HECW2: variants seen among roughly 807,000 people sequenced by gnomAD.
HECW2 encodes the protein HECT, C2 and WW domain containing E3 ubiquitin protein ligase 2.
A neutral mutation model predicts 175.2 loss-of-function variants in HECW2; 61 were observed. The ratio of observed to expected loss-of-function variants is 0.35; its 90% CI spans 0.28 to 0.43. The LOEUF is 0.43. HECW2 is among the 20% of genes least tolerant of loss of function. The pLI is 1.00. For missense variants in HECW2, 1,524 were observed against 2,000.5 expected (o/e 0.76, Z 4.54); for synonymous variants, 671 against 731.0 (o/e 0.92, Z 1.32).
At chr2:196,546,895 G>A (rs1185683546) in intron 1 of HECW2, among the ~76,000 whole-genome samples, 1 of 151,900 alleles carries the variant, frequency 6.6e-6, no homozygotes, top group Non-Finnish European at 1.5e-5. Context: ...CAAAAGCTAT[G>A]AGGACACTAG....
chr2:196,350,808 T>G (rs184092971), intron 2 of HECW2, among the ~76,000 whole-genome samples: 1 of 150,548 alleles, frequency 6.6e-6, no homozygotes, highest in Admixed American at 6.6e-5. Flanking sequence ...CCATGTTTTG[T>G]TAAAAGAGGA....
chr2:196,350,905 A>G (rs1324929032), intron 2 of HECW2, among the ~76,000 whole-genome samples: 1 of 152,236 alleles, frequency 6.6e-6, no homozygotes, highest in Non-Finnish European at 1.5e-5. Flanking sequence ...TCTTTGGAAG[A>G]GTTTACGGAG....
In HECW2 at chr2:196,505,872, C is replaced by T. The variant is rs367936967; in HGVS notation, c.-35-72414G>A. 8.5e-5 allele frequency among the ~76,000 whole-genome samples: 13 copies of T among 152,282 alleles called. No individual in the cohort carries two copies. The East Asian group carries it at 2.5e-3, about 29-fold the overall frequency. On this transcript the variant is annotated intron_variant, in intron 1 of 28. Transcript: ENST00000644978. ...CTATCAATGTCAAAACAGATGAAGTCCCCCCAACTGTGGAGTTTTCCTTTG... is the reference window on the plus strand; with the variant it reads ...CTATCAATGTCAAAACAGATGAAGTTCCCCCAACTGTGGAGTTTTCCTTTG...
chr2:196,278,947 A>G (rs1690081770), intron 14 of HECW2, among the ~76,000 whole-genome samples: 1 of 152,198 alleles, frequency 6.6e-6, no homozygotes. Context: ...CCAAGAAGGA[A>G]GCCAGAAGAA....
At chr2:196,210,935 T>C (rs961168276) in intron 28 of HECW2, among the ~76,000 whole-genome samples, 27 of 151,380 alleles carry the variant, frequency 1.8e-4, no homozygotes, top group African/African-American at 5.6e-4. Context: ...AAAAGCAGAA[T>C]TTTAAAAACA....
intron 2 of HECW2, among the ~76,000 whole-genome samples, chr2:196,369,805 G>A (rs1693857000): frequency 6.6e-6 from 1 of 151,696 alleles, no homozygotes; most frequent in South Asian, 2.1e-4. Context: ...GGCCACTACT[G>A]CCCTAGGTCC....
chr2:196,293,902 G>A (rs926484709), intron 13 of HECW2, among the ~76,000 whole-genome samples: 4 of 152,178 alleles, frequency 2.6e-5, no homozygotes. Flanking sequence ...TGCTCTCACT[G>A]ACCATCACAC....
At chr2:196,448,394 T>C (rs1285493361) in intron 1 of HECW2, among the ~76,000 whole-genome samples, 1 of 152,220 alleles carries the variant, frequency 6.6e-6, no homozygotes, top group Admixed American at 6.5e-5. Context: ...AGCTGAGACC[T>C]ACTCTGAGGT....
chr2:196,342,211 C>A (rs1387603604), intron 3 of HECW2, among the ~76,000 whole-genome samples: 1 of 151,722 alleles, frequency 6.6e-6, no homozygotes, highest in Non-Finnish European at 1.5e-5. Flanking sequence ...TCGAGACCAG[C>A]CTGACCAACA....
chr2:196,386,962 T>C lies in HECW2; in HGVS notation c.293-43198A>G, dbSNP rs1694368941. Among the ~76,000 whole-genome samples the C allele has an allele frequency of 2.0e-5, 3 of 152,270 alleles. No homozygotes were observed. In the South Asian group the frequency reaches 6.2e-4, roughly 31 times the overall value. On this transcript the variant is annotated intron_variant, in intron 2 of 28. Transcript: ENST00000644978. ...ATAGCTTATAACAAGGCTATAATAC[T>C]AACTCCTAACAGCAAAGATTGTTTT...
intron 1 of HECW2, among the ~76,000 whole-genome samples, chr2:196,528,554 A>G (rs1230327343): frequency 6.6e-6 from 1 of 152,232 alleles, no homozygotes; most frequent in Non-Finnish European, 1.5e-5. Context: ...TCCTGGAATT[A>G]TAATCCTGGC....
intron 5 of HECW2, among the ~76,000 whole-genome samples, chr2:196,328,844 C>T (rs1692251427): frequency 6.6e-6 from 1 of 152,224 alleles, no homozygotes; most frequent in Admixed American, 6.5e-5. Context: ...GCCCTTCAAA[C>T]TTTTTCAACA....
At chr2:196,435,963 TTC>T in intron 1 of HECW2, among the ~76,000 whole-genome samples, 1 of 152,230 alleles carries the variant, frequency 6.6e-6, no homozygotes, top group South Asian at 2.1e-4. Context: ...ACTCCCATAA[TTC>T]CCACCACCCC....
intron 28 of HECW2, among the ~76,000 whole-genome samples, chr2:196,202,965 A>G (rs1686919918): frequency 6.6e-6 from 1 of 152,192 alleles, no homozygotes; most frequent in Non-Finnish European, 1.5e-5. Context: ...GTAATTTTAT[A>G]CCATATTTAC....
intron 18 of HECW2, among the ~76,000 whole-genome samples, chr2:196,255,063 CCTGG>C (rs1275037519): frequency 1.3e-5 from 2 of 148,964 alleles, no homozygotes; most frequent in Admixed American, 1.3e-4. Context: ...ACCTCTGCTT[CCTGG>C]GTTCAAGTGA....
chr2:196,523,198 G>C (rs988330086), intron 1 of HECW2, among the ~76,000 whole-genome samples: 1 of 152,124 alleles, frequency 6.6e-6, no homozygotes, highest in African/African-American at 2.4e-5. Flanking sequence ...CACATCCCTT[G>C]TAAGTTGGAT....
intron 2 of HECW2, among the ~76,000 whole-genome samples, chr2:196,429,439 A>G (rs1045495839): frequency 2.0e-5 from 3 of 152,192 alleles, no homozygotes; most frequent in African/African-American, 2.4e-5. Context: ...TAAGCAATCA[A>G]TTTTATTCAG....
chr2:196,433,839 T>A lies in HECW2; in HGVS notation c.-35-381A>T, dbSNP rs374103841. 5.9e-5 allele frequency among the ~76,000 whole-genome samples: 9 copies of A among 152,326 alleles called. No homozygotes were observed. The East Asian group carries it at 1.7e-3, about 29-fold the overall frequency. On this transcript the variant is annotated intron_variant, in intron 1 of 28. Coordinates refer to ENST00000644978, the MANE Select transcript of HECW2 (RefSeq NM_001348768.2). ...CACACATATTTATTTGCTGCTGCAA[T>A]GAAATTTTAAAATAGCGAGACACAT... is the stretch of plus-strand genomic sequence containing the variant.
intron 2 of HECW2, among the ~76,000 whole-genome samples, chr2:196,346,263 C>T (rs79762814): frequency 8.5e-5 from 13 of 152,288 alleles, no homozygotes; most frequent in Non-Finnish European, 1.3e-4. Flanking sequence ...TTAATCCAAA[C>T]GCATTTCTGA....
Sources: gnomAD v4.1 joint callset for allele counts (sites outside exome capture counted in the v4.1 genomes callset) on GRCh38, gnomAD v4.1.1 for gene constraint, MANE v1.5 for transcripts, NCBI Gene and HGNC (gene_info 2026-07-23, HGNC 2026-07-21) for gene names.